Variants in SUGCT observed in about 807,000 individuals in gnomAD.
SUGCT encodes the protein succinyl-CoA:glutarate CoA-transferase.
Under a neutral mutation model 55.0 loss-of-function variants are expected in SUGCT, and 41 were observed. The ratio of observed to expected loss-of-function variants is 0.74; its 90% CI spans 0.58 to 0.97. The LOEUF is 0.97. SUGCT is among the 50% of genes least tolerant of loss of function. The pLI is 0.00. For missense variants in SUGCT, 568 were observed against 547.8 expected, an observed-to-expected ratio of 1.04 and a Z score of -0.37; for synonymous variants, 187 against 200.4, an observed-to-expected ratio of 0.93 and a Z score of 0.56.
At chr7:40,785,588 C>T (rs1359463269) in intron 13 of SUGCT, among the ~76,000 whole-genome samples, 1 of 152,150 alleles carries the variant, frequency 6.6e-6, no homozygotes, top group Non-Finnish European at 1.5e-5. Flanking sequence ...CAGTGGCTCA[C>T]AGCTGGCATT....
At position 40,215,165 on chromosome 7, in the gene SUGCT, CAA is replaced by C. The variant is rs1417870183; in HGVS notation, c.484+20107_484+20108del. Among the ~76,000 whole-genome samples, 4 of 151,984 alleles carry C rather than the reference CAA, an allele frequency of 2.6e-5. No individual in the cohort carries two copies. The East Asian group carries it at 7.8e-4, about 30-fold the overall frequency. ...ACACTTTTTTTTTGTTTGTTTGAGA[CAA>C]AGTCTCATTCTGTTGCTCAGGATGG... is the stretch of plus-strand genomic sequence containing the variant. On this transcript the variant is annotated intron_variant, in intron 6 of 13. Coordinates refer to ENST00000335693, the MANE Select transcript of SUGCT (RefSeq NM_001193313.2).
At chr7:40,217,940 G>A (rs1248515338) in intron 6 of SUGCT, among the ~76,000 whole-genome samples, 2 of 152,168 alleles carry the variant, frequency 1.3e-5, no homozygotes, top group East Asian at 3.9e-4. Context: ...GGGGCCAGGT[G>A]TGGTGGCTCA....
chr7:40,476,929 C>T (rs1790722992), intron 11 of SUGCT, among the ~76,000 whole-genome samples: 1 of 151,942 alleles, frequency 6.6e-6, no homozygotes, highest in Non-Finnish European at 1.5e-5. Context: ...CCTCAGTAGT[C>T]CCTGTACTTG....
chr7:40,517,443 G>A (rs961846076), intron 12 of SUGCT, among the ~76,000 whole-genome samples: 3 of 151,954 alleles, frequency 2.0e-5, no homozygotes, highest in African/African-American at 4.8e-5. Flanking sequence ...GAAACAAAGC[G>A]TTCAATCTTT....
rs115938107 is a variant in SUGCT at position 40,571,459 on chromosome 7, A to T, written c.1089+75073A>T. On this transcript the variant is annotated intron_variant, in intron 12 of 13. Coordinates refer to ENST00000335693, the MANE Select transcript of SUGCT (RefSeq NM_001193313.2). Reference sequence around the variant, plus strand: ...AATCATTTCTAAATTTGGTAAATGCATGTCATTATTTTCCTATTTCAAAAT... The same window carrying T: ...AATCATTTCTAAATTTGGTAAATGCTTGTCATTATTTTCCTATTTCAAAAT... Among the ~76,000 whole-genome samples, 257 of 152,266 alleles carry T rather than the reference A, an allele frequency of 1.7e-3. 1 individual carries two copies. Among genetic ancestry groups the T allele is most frequent in the African/African-American group, 6.0e-3 (251 of 41,552 alleles).
intron 8 of SUGCT, among the ~76,000 whole-genome samples, chr7:40,301,182 G>A (rs1255689214): frequency 6.6e-6 from 1 of 151,998 alleles, no homozygotes; most frequent in Non-Finnish European, 1.5e-5. Context: ...TTTTCCATGA[G>A]GACAGAAAAT....
chr7:40,210,572 C>T (rs1584351855), intron 6 of SUGCT, among the ~76,000 whole-genome samples: 2 of 151,866 alleles, frequency 1.3e-5, no homozygotes, highest in Non-Finnish European at 2.9e-5. Flanking sequence ...ATTTTCTTTT[C>T]AATTCTCAGC....
At chr7:40,315,927 G>A (rs1416199929) in intron 8 of SUGCT, among the ~76,000 whole-genome samples, 2 of 152,024 alleles carry the variant, frequency 1.3e-5, no homozygotes, top group Non-Finnish European at 2.9e-5. Flanking sequence ...GATCCTTGTG[G>A]CAGATCACCA....
At chr7:40,333,359 G>A (rs11764504) in intron 9 of SUGCT, among the ~76,000 whole-genome samples, 88,187 of 151,440 alleles carry the variant, frequency 0.58, 25,795 homozygotes, top group South Asian at 0.65. Context: ...TTTAGTGGCC[G>A]GGCGTGGTGG....
rs1270396893 is a variant in SUGCT, at chr7:40,377,217, C to T, written c.816+60362C>T. ...TTCTTTCTTTTCTTTTCTTTTCTTT[C>T]TTTTCTTTCTTTCTTCCCTTCCTTC... On this transcript the variant is annotated intron_variant, in intron 9 of 13. Coordinates refer to ENST00000335693, the MANE Select transcript of SUGCT (RefSeq NM_001193313.2). Among the ~76,000 whole-genome samples the T allele has an allele frequency of 2.7e-4, 3 of 10,990 alleles. 1 individual carries two copies. The East Asian group carries it at 0.071, about 262-fold the overall frequency. 7.2% of individuals were successfully genotyped at this position (10,990 alleles called of 152,430 possible).
At chr7:40,997,256 G>A in the SUGCT span, among the ~76,000 whole-genome samples, 4 of 152,288 alleles carry the variant, frequency 2.6e-5, no homozygotes, top group Middle Eastern at 3.4e-3. Context: ...AAGTCCCACT[G>A]ATTTTACTTC....
chr7:40,762,810 C>A (rs1295241282), intron 13 of SUGCT, among the ~76,000 whole-genome samples: 1 of 150,902 alleles, frequency 6.6e-6, no homozygotes, highest in Admixed American at 6.7e-5. Context: ...TAAAACAACT[C>A]TCTTTTTTTT....
At chr7:40,308,971 C>T (rs1458898916) in intron 8 of SUGCT, among the ~76,000 whole-genome samples, 3 of 152,186 alleles carry the variant, frequency 2.0e-5, no homozygotes, top group Non-Finnish European at 4.4e-5. Context: ...TGTGCCACTG[C>T]ACTGCAGCCT....
At chr7:40,572,674 A>G (rs1432816449) in intron 12 of SUGCT, among the ~76,000 whole-genome samples, 4 of 152,220 alleles carry the variant, frequency 2.6e-5, no homozygotes, top group East Asian at 1.9e-4. Flanking sequence ...TTTTAATCTC[A>G]TATTATCCTA....
At chr7:40,782,815 G>A (rs934288701) in intron 13 of SUGCT, 1 of 152,184 alleles carries the variant, frequency 6.6e-6, no homozygotes, top group African/African-American at 2.4e-5. Flanking sequence ...GAGGAACACG[G>A]TTATTTCAAT....
chr7:40,601,895 A>C (rs1350487129), intron 12 of SUGCT, among the ~76,000 whole-genome samples: 1 of 152,172 alleles, frequency 6.6e-6, no homozygotes, highest in Non-Finnish European at 1.5e-5. Flanking sequence ...CAAATTGCCA[A>C]ATTCAAAGTG....
chr7:40,165,337 A>G (rs945805638), intron 1 of SUGCT, among the ~76,000 whole-genome samples: 7 of 152,168 alleles, frequency 4.6e-5, no homozygotes, highest in South Asian at 2.1e-4. Flanking sequence ...GCATCTGTCA[A>G]TTATCCCTGC....
the SUGCT span, among the ~76,000 whole-genome samples, chr7:40,892,650 C>G: frequency 6.6e-6 from 1 of 152,134 alleles, no homozygotes; most frequent in African/African-American, 2.4e-5. Flanking sequence ...CCTCCCTCCT[C>G]AGCCTCTCAA....
rs150657660 is a variant in SUGCT, at chr7:40,638,737, G to GC, written c.1090-110696dup. On this transcript the variant is annotated intron_variant, in intron 12 of 13. Transcript: ENST00000335693. ...ATTAGGAAAATGATGTAGTAGGGATGCAATGCCTGTGATGTCAGATTGCCT... is the reference window on the plus strand; with the variant it reads ...ATTAGGAAAATGATGTAGTAGGGATGCCAATGCCTGTGATGTCAGATTGCCT... 3.4e-3 allele frequency among the ~76,000 whole-genome samples: 523 copies of GC among 152,300 alleles called. 8 individuals carry two copies. The highest frequency in any genetic ancestry group is 0.031 in the East Asian group (161 of 5,178).
Sources: gnomAD v4.1 joint callset for allele counts (sites outside exome capture counted in the v4.1 genomes callset) on GRCh38, gnomAD v4.1.1 for gene constraint, MANE v1.5 for transcripts, NCBI Gene and HGNC (gene_info 2026-07-23, HGNC 2026-07-21) for gene names.